The following CERS3 variants were observed in gnomAD, a reference collection of about 807,000 sequenced individuals.
The protein encoded by CERS3 is ceramide synthase 3.
A neutral mutation model predicts 50.3 loss-of-function variants in CERS3; 33 were observed. That is an observed-to-expected ratio of 0.66 (90% CI 0.50 to 0.88). CERS3 has a LOEUF of 0.88. Among genes scored for constraint, CERS3 ranks in the 40% least tolerant of loss-of-function variants. The probability of loss-of-function intolerance (pLI) is 0.00; values close to 1 mark genes in which losing one functional copy is unlikely to be tolerated. For missense variants in CERS3, 470 were observed against 460.3 expected (o/e 1.02, Z -0.19); for synonymous variants, 176 against 155.2 (o/e 1.13, Z -0.99).
rs993416260 is a variant in CERS3, at chr15:100,449,105, TC to T, written c.999+6787del. 2.6e-5 allele frequency among the ~76,000 whole-genome samples: 4 copies of T among 152,036 alleles called. No individual in the cohort carries two copies. The South Asian group carries it at 6.2e-4, about 24-fold the overall frequency. ...CTGCTTCGCCTGGTTCCACACTCCC[TC>T]CCCCTACTGCCCAAGTATACCATTG... On this transcript the variant is annotated intron_variant, in intron 11 of 11. Transcript: ENST00000679737.
intron 1 of CERS3, among the ~76,000 whole-genome samples, chr15:100,527,699 T>C (rs1282152441): frequency 6.6e-6 from 1 of 152,230 alleles, no homozygotes; most frequent in Admixed American, 6.5e-5. Flanking sequence ...TCATGAGCCC[T>C]AAAGGGGAAA....
At chr15:100,514,643 T>C (rs73475727) in intron 2 of CERS3, among the ~76,000 whole-genome samples, 116 of 152,308 alleles carry the variant, frequency 7.6e-4, no homozygotes, top group African/African-American at 2.7e-3. Flanking sequence ...TGTTAGAAAT[T>C]ATAAAATTTA....
chr15:100,496,008 C>T (rs544546695), intron 3 of CERS3, among the ~76,000 whole-genome samples: 4 of 152,162 alleles, frequency 2.6e-5, no homozygotes, highest in Non-Finnish European at 5.9e-5. Flanking sequence ...ATTTAATATA[C>T]ATGAAATTAT....
At chr15:100,460,267 T>A (rs957897697) in intron 10 of CERS3, among the ~76,000 whole-genome samples, 9 of 152,214 alleles carry the variant, frequency 5.9e-5, no homozygotes, top group African/African-American at 2.2e-4. Context: ...TTTCCTCATC[T>A]GTAAAATGCG....
chr15:100,469,530 T>G, intron 9 of CERS3, 46 bp from the exon 10 acceptor site: 1 of 1,297,210 alleles, frequency 7.7e-7, no homozygotes, highest in Non-Finnish European at 1.1e-6. Context: ...ATAGCCTACA[T>G]TTTTAAAGTT....
chr15:100,445,682 G>A (rs553134747), intron 11 of CERS3, among the ~76,000 whole-genome samples: 8 of 152,160 alleles, frequency 5.3e-5, no homozygotes, highest in East Asian at 3.9e-4. Flanking sequence ...AATCCCACTC[G>A]AAGCAGCCCT....
At chr15:100,469,345 A>G (rs1365583063) in intron 10 of CERS3, 33 bp downstream of exon 10, 2 of 1,558,884 alleles carry the variant, frequency 1.3e-6, no homozygotes, top group South Asian at 2.2e-5. Flanking sequence ...CTGCACACTG[A>G]CCAAAGGCAG....
rs987202043 is a variant in CERS3 at position 100,451,510 on chromosome 15, G to A, written c.999+4383C>T. Among the ~76,000 whole-genome samples the A allele has an allele frequency of 4.6e-5, 7 of 151,888 alleles. No individual in the cohort carries two copies. In the East Asian group the frequency reaches 5.8e-4, roughly 13 times the overall value. ...CAAGGTCAGGAGATTGAGACCATCC[G>A]GGCTAACATGGTGAAACCCTGTCTC... On this transcript the variant is annotated intron_variant, in intron 11 of 11. Coordinates refer to ENST00000679737, the MANE Select transcript of CERS3 (RefSeq NM_001378789.1).
intron 10 of CERS3, among the ~76,000 whole-genome samples, chr15:100,468,786 G>T (rs1035581577): frequency 6.6e-6 from 1 of 152,124 alleles, no homozygotes; most frequent in South Asian, 2.1e-4. Flanking sequence ...CTGGTCTGTG[G>T]CTAAACAAAA....
intron 1 of CERS3, among the ~76,000 whole-genome samples, chr15:100,541,195 T>C (rs1463868919): frequency 1.3e-5 from 2 of 152,128 alleles, no homozygotes; most frequent in Non-Finnish European, 2.9e-5. Context: ...TTAAGAGATA[T>C]GAAGAAAACC....
At position 100,455,962 on chromosome 15, in the gene CERS3, G is replaced by A. The variant is rs2034356124; in HGVS notation, c.930C>T (p.Ile310=). 2 of 1,612,728 alleles carry A rather than the reference G, an allele frequency of 1.2e-6. No individual in the cohort carries two copies. Among genetic ancestry groups the A allele is most frequent in the Admixed American group, 1.7e-5 (1 of 59,948 alleles). Residue 310 remains isoleucine, a synonymous_variant, in exon 11 of 12, where the codon ATC becomes ATT. Transcript: ENST00000679737. ...CCCAGTAAAGGTGAAGGACCTGCAA[G>A]ATCATGAGCTGTAGGTTGAGGAAGA... ...SYIFLNLQLM[I]LQVLHLYWGY...
intron 11 of CERS3, among the ~76,000 whole-genome samples, chr15:100,441,720 A>G (rs539505949): frequency 1.3e-5 from 2 of 152,192 alleles, no homozygotes; most frequent in African/African-American, 4.8e-5. Flanking sequence ...TTTCCATCCT[A>G]CAAAATCTAA....
intron 8 of CERS3, 66 bp from the exon 9 acceptor site, chr15:100,473,118 T>C: frequency 6.8e-7 from 1 of 1,479,620 alleles, no homozygotes; most frequent in South Asian, 1.3e-5. Context: ...CTGGAAGAGA[T>C]AATCATAATA....
Position 100,405,563 on chromosome 15 carries a change from T to C in CERS3, c.1000-2698A>G, listed in dbSNP as rs896877314. On this transcript the variant is annotated intron_variant, in intron 11 of 11. Transcript: ENST00000679737. The stretch of plus-strand genomic sequence containing the variant: ...AGTTTGATGAATCTTAAAGACATTA[T>C]GCTGAGTAAAAAAATGTTAGTTTCA... Among the ~76,000 whole-genome samples the C allele has an allele frequency of 3.9e-5, 6 of 152,344 alleles. No individual in the cohort carries two copies. In the East Asian group the frequency reaches 5.8e-4, roughly 15 times the overall value.
intron 11 of CERS3, among the ~76,000 whole-genome samples, chr15:100,433,641 C>A (rs1398448853): frequency 2.0e-5 from 3 of 152,178 alleles, no homozygotes; most frequent in Non-Finnish European, 4.4e-5. Flanking sequence ...TTGCCCAGCC[C>A]AGCTACCCTC....
At chr15:100,454,297 G>T (rs2034281990) in intron 11 of CERS3, among the ~76,000 whole-genome samples, 1 of 149,724 alleles carries the variant, frequency 6.7e-6, no homozygotes. Context: ...GGCTGAAGTG[G>T]GAGGGTTGTT....
chr15:100,461,315 G>A (rs541359934), intron 10 of CERS3, among the ~76,000 whole-genome samples: 2 of 152,084 alleles, frequency 1.3e-5, no homozygotes, highest in African/African-American at 4.8e-5. Context: ...TTTACAAACT[G>A]TATAGCCCTC....
At chr15:100,532,941 T>C (rs1445715888), upstream of CERS3, among the ~76,000 whole-genome samples, 5 of 152,014 alleles carry the variant, frequency 3.3e-5, no homozygotes, top group African/African-American at 1.2e-4. Flanking sequence ...CATAAAGTCA[T>C]CTCTCCTCCC....
intron 5 of CERS3, among the ~76,000 whole-genome samples, chr15:100,483,781 A>ATTTTTTTTTT (rs1267906519): frequency 0.012 from 917 of 77,358 alleles, 102 homozygotes; most frequent in East Asian, 0.098. Context: ...AATAATTATT[A>ATTTTTTTTTT]TTATTATTTT....
Sources: allele counts gnomAD v4.1 joint callset (sites outside exome capture counted in the v4.1 genomes callset), GRCh38; gene constraint gnomAD v4.1.1; transcripts MANE v1.5; gene names NCBI Gene and HGNC (gene_info 2026-07-23, HGNC 2026-07-21).